Variants in INTS2 observed in about 807,000 individuals in gnomAD.
INTS2 encodes integrator complex subunit 2, also known as KIAA1287.
In INTS2, 57 loss-of-function variants were observed where a neutral mutation model predicts 139.6. The observed-to-expected ratio is 0.41, with a 90% confidence interval of 0.33 to 0.51. INTS2 has a LOEUF of 0.51. INTS2 is among the 20% of genes least tolerant of loss of function. INTS2 has a pLI of 0.28. For missense variants in INTS2, 1,196 were observed against 1,436.7 expected, an observed-to-expected ratio of 0.83 and a Z score of 2.71; for synonymous variants, 473 against 493.4, an observed-to-expected ratio of 0.96 and a Z score of 0.55.
intron 5 of INTS2, among the ~76,000 whole-genome samples, chr17:61,912,945 G>A (rs539816597): frequency 3.9e-5 from 6 of 152,024 alleles, no homozygotes; most frequent in Admixed American, 3.9e-4. Flanking sequence ...GTGTGGTAAT[G>A]CGCACCTATA....
chr17:61,919,090 A>G (rs951715096), intron 5 of INTS2, among the ~76,000 whole-genome samples: 1 of 151,960 alleles, frequency 6.6e-6, no homozygotes, highest in African/African-American at 2.4e-5. Context: ...ACATCCAGCT[A>G]ATTTTTGTAT....
At chr17:61,879,658 C>A (rs2079160296) in intron 17 of INTS2, among the ~76,000 whole-genome samples, 1 of 152,058 alleles carries the variant, frequency 6.6e-6, no homozygotes, top group Non-Finnish European at 1.5e-5. Flanking sequence ...TGAGACCAGC[C>A]TGGGCAACAT....
chr17:61,890,894 G>C (rs1567899510), intron 14 of INTS2, among the ~76,000 whole-genome samples: 1 of 136,236 alleles, frequency 7.3e-6, no homozygotes, highest in Non-Finnish European at 1.5e-5. Context: ...TGAAGCAGGA[G>C]AATCGCTTGA....
intron 9 of INTS2, among the ~76,000 whole-genome samples, chr17:61,901,880 G>A (rs1055680851): frequency 6.6e-6 from 1 of 152,114 alleles, no homozygotes; most frequent in Non-Finnish European, 1.5e-5. Context: ...TTACAGGCGT[G>A]AGCCAGTGTG....
chr17:61,904,809 T>C (rs1279051345), intron 8 of INTS2, among the ~76,000 whole-genome samples: 3 of 152,150 alleles, frequency 2.0e-5, no homozygotes, highest in African/African-American at 7.2e-5. Flanking sequence ...TGCCCTGTAG[T>C]GTGAGACCAT....
In INTS2 at chr17:61,872,381, G is replaced by T. The variant is rs754191208; in HGVS notation, c.2662C>A (p.Leu888Met). 4.5e-5 allele frequency: 73 copies of T among 1,612,190 alleles called. No individual in the cohort carries two copies. Among genetic ancestry groups the T allele is most frequent in the Non-Finnish European group, 6.1e-5 (72 of 1,178,644 alleles). Residue 888 changes from leucine to methionine, a missense_variant, in exon 20 of 25, where the codon CTG becomes ATG. Leu to Met is a conservative substitution (Grantham distance 15). Coordinates refer to ENST00000251334, the MANE Select transcript of INTS2 (RefSeq NM_001351695.2). This position sits in a 1 kb window ranked among gnomAD's most constrained non-coding sequence, Gnocchi z 4.8. ...LASKAYLSAHLKETEQDRPSQ... is the reference protein window; with the variant it reads ...LASKAYLSAHMKETEQDRPSQ... The stretch of plus-strand genomic sequence containing the variant: ...GGCCTATCTTGCTCTGTTTCCTTCA[G>T]ATGAGCACTAAGGTAGGCTTTAGAT...
Position 61,875,354 on chromosome 17 carries a change from C to T in INTS2, c.2457-316G>A, listed in dbSNP as rs2079118936. ...TTGCTATATGACTCTGTGTAAGTCACTGAGGCTCTCTAAACTGTTTCCTCG... is the reference window on the plus strand; with the variant it reads ...TTGCTATATGACTCTGTGTAAGTCATTGAGGCTCTCTAAACTGTTTCCTCG... On this transcript the variant is annotated intron_variant, in intron 18 of 24. Transcript: ENST00000251334. This position sits in a 1 kb window ranked among gnomAD's most constrained non-coding sequence, Gnocchi z 4.6. Among the ~76,000 whole-genome samples the T allele has an allele frequency of 6.6e-6, 1 of 152,284 alleles. No individual in the cohort carries two copies. Among genetic ancestry groups the T allele is most frequent in the African/African-American group, 2.4e-5 (1 of 41,564 alleles).
At chr17:61,916,850 A>G (rs2079587702) in intron 5 of INTS2, among the ~76,000 whole-genome samples, 1 of 152,190 alleles carries the variant, frequency 6.6e-6, no homozygotes, top group Non-Finnish European at 1.5e-5. Flanking sequence ...CTATCAACAG[A>G]GCAAACAATC....
In INTS2 at chr17:61,897,695, A is replaced by T. The variant is rs1273227503; in HGVS notation, c.1352T>A (p.Met451Lys). ...EQLMVVWLSW[M>K]IKEEAYFEST... ...CTCAAAATACGCTTCTTCTTTTATCATCCAACTTAGCCACACCACCATCAG... is the reference window on the plus strand; with the variant it reads ...CTCAAAATACGCTTCTTCTTTTATCTTCCAACTTAGCCACACCACCATCAG... Residue 451 changes from methionine (M) to lysine (K), a missense_variant, in exon 10 of 25, where the codon ATG (methionine) becomes AAG (lysine). Met to Lys is a moderately conservative substitution (Grantham distance 95). Coordinates refer to ENST00000251334, the MANE Select transcript of INTS2 (RefSeq NM_001351695.2). The surrounding 1 kb of genome is among the most constrained non-coding windows in gnomAD (Gnocchi z 4.4). The T allele has an allele frequency of 6.2e-7, 1 of 1,608,296 alleles. No individual in the cohort carries two copies. The highest frequency in any genetic ancestry group is 8.5e-7 in the Non-Finnish European group (1 of 1,177,150).
chr17:61,927,937 T>C lies in INTS2; in HGVS notation c.-302A>G. The C allele has an allele frequency of 6.2e-7, 1 of 1,613,926 alleles. No homozygotes were observed. Among genetic ancestry groups the C allele is most frequent in the African/African-American group, 1.3e-5 (1 of 75,026 alleles). ...CTTTTTCAACCTGCACCCAGCACCT[T>C]CATTCATCCCCAGCGTCTGACTCCC... is the stretch of plus-strand genomic sequence containing the variant. On this transcript the variant is annotated 5_prime_UTR_variant, in exon 1 of 25. Transcript: ENST00000251334.
rs1266693989 is a variant in INTS2, at chr17:61,891,611, T to C, written c.1777A>G (p.Asn593Asp). The C allele has an allele frequency of 1.4e-5, 23 of 1,613,290 alleles. No individual in the cohort carries two copies. Among genetic ancestry groups the C allele is most frequent in the Non-Finnish European group, 2.0e-5 (23 of 1,179,448 alleles). ...TTCGACGCAGGAGTAAGTATAGAAT[T>C]TATGTACACATCAATCAAAGGAAGT... is the stretch of plus-strand genomic sequence containing the variant. ...QLLPLIDVYINSILTPASKSN... is the reference protein window; with the variant it reads ...QLLPLIDVYIDSILTPASKSN... Residue 593 changes from asparagine to aspartate, a missense_variant, in exon 14 of 25, where the codon AAT becomes GAT. Asn to Asp is a conservative substitution (Grantham distance 23). Around this residue, in one of 3 missense-constraint regions of INTS2, gnomAD observed 1,129 missense variants for 1,341.9 expected, o/e 0.84. Transcript: ENST00000251334.
Position 61,870,082 on chromosome 17 carries a change from T to TG in INTS2, c.2779-95_2779-94insC, listed in dbSNP as rs1282186926. 5 of 1,214,282 alleles carry TG rather than the reference T, an allele frequency of 4.1e-6. No homozygotes were observed. The East Asian group carries it at 7.6e-5, about 18-fold the overall frequency. 75.2% of individuals were successfully genotyped at this position (1,214,282 alleles called of 1,614,324 possible). On this transcript the variant is annotated intron_variant, in intron 20 of 24. Transcript: ENST00000251334. This position sits in a 1 kb window ranked among gnomAD's most constrained non-coding sequence, Gnocchi z 4.4. ...TTTCACATGAACAGATATGATAAAA[T>TG]AACTAATTTCTTAAACACACATACA...
chr17:61,879,551 G>A (rs2145910739), intron 17 of INTS2, among the ~76,000 whole-genome samples: 1 of 152,252 alleles, frequency 6.6e-6, no homozygotes, highest in East Asian at 1.9e-4. Flanking sequence ...TTGATTACAT[G>A]GTGAAATAAT....
chr17:61,891,437 A>G (rs1442819140), intron 14 of INTS2, 76 bp downstream of exon 14: 5 of 1,144,026 alleles, frequency 4.4e-6, no homozygotes, highest in Non-Finnish European at 6.4e-6. Context: ...CTCTGATAGG[A>G]AAATAAAAAT....
At chr17:61,922,355 CTACTCAGG>C (rs2079650606) in intron 3 of INTS2, among the ~76,000 whole-genome samples, 1 of 101,310 alleles carries the variant, frequency 9.9e-6, no homozygotes, top group Admixed American at 8.4e-5. Flanking sequence ...GTAATCTTAG[CTACTCAGG>C]AGGCTGAGGC....
At chr17:61,892,814 C>A (rs2079308802) in intron 13 of INTS2, among the ~76,000 whole-genome samples, 1 of 151,296 alleles carries the variant, frequency 6.6e-6, no homozygotes, top group African/African-American at 2.4e-5. Context: ...ATTAGCCAGG[C>A]ATGGTGGCAG....
At chr17:61,915,723 C>T (rs1380056507) in intron 5 of INTS2, among the ~76,000 whole-genome samples, 4 of 135,548 alleles carry the variant, frequency 3.0e-5, no homozygotes, top group African/African-American at 5.4e-5. Flanking sequence ...CCCAGCTACT[C>T]GGGAGGCTGA....
intron 18 of INTS2, 105 bp downstream of exon 18, chr17:61,877,782 A>T: frequency 1.3e-6 from 1 of 753,858 alleles, no homozygotes; most frequent in Non-Finnish European, 2.2e-6. Flanking sequence ...GTCAACAAAT[A>T]CTGCTATGAG....
Position 61,869,400 on chromosome 17 carries a change from GA to G in INTS2, c.3031-21del. 2 of 1,439,720 alleles carry G rather than the reference GA, an allele frequency of 1.4e-6. No individual in the cohort carries two copies. The highest frequency in any genetic ancestry group is 1.3e-5 in the South Asian group (1 of 79,744). 89.2% of individuals were successfully genotyped at this position (1,439,720 alleles called of 1,614,324 possible). On this transcript the variant is annotated intron_variant, in intron 21 of 24. Coordinates refer to ENST00000251334, the MANE Select transcript of INTS2 (RefSeq NM_001351695.2). This position sits in a 1 kb window ranked among gnomAD's most constrained non-coding sequence, Gnocchi z 5.4. ...ATAACCCTATCTCAACAAGAAACGG[GA>G]AAAAAGTCAGAAATAAAATAACTAT...
Sources: gnomAD v4.1 joint callset for allele counts (sites outside exome capture counted in the v4.1 genomes callset) on GRCh38, gnomAD v4.1.1 for gene constraint, gnomAD v4.1.1 regional missense constraint, Gnocchi (gnomAD v3.1) non-coding constraint, MANE v1.5 for transcripts, NCBI Gene and HGNC (gene_info 2026-07-23, HGNC 2026-07-21) for gene names.